Variants in TIAM2 observed in about 807,000 individuals in gnomAD.
TIAM2 encodes rho guanine nucleotide exchange factor TIAM2.
In TIAM2, 80 loss-of-function variants were observed where a neutral mutation model predicts 152.9. The ratio of observed to expected loss-of-function variants is 0.52; its 90% CI spans 0.44 to 0.63. The LOEUF (loss-of-function observed/expected upper bound fraction) is 0.63. TIAM2 is among the 30% of genes least tolerant of loss of function. The pLI is 0.00. For missense variants in TIAM2, 1,965 were observed against 2,120.1 expected (o/e 0.93, Z 1.44); for synonymous variants, 804 against 838.0 (o/e 0.96, Z 0.70).
intron 2 of TIAM2, among the ~76,000 whole-genome samples, chr6:155,093,636 G>C (rs192436649): frequency 7.9e-4 from 121 of 152,318 alleles, no homozygotes; most frequent in Admixed American, 2.2e-3. Context: ...GGAAAGATGA[G>C]ATGGTGCCTC....
intron 1 of TIAM2, among the ~76,000 whole-genome samples, chr6:155,052,568 C>T (rs1028837212): frequency 7.2e-5 from 11 of 152,036 alleles, no homozygotes; most frequent in African/African-American, 2.2e-4. Context: ...GATCTCAAGA[C>T]CAGCCTGGCC....
chr6:155,092,630 C>T (rs559455090), intron 2 of TIAM2, among the ~76,000 whole-genome samples: 5 of 151,690 alleles, frequency 3.3e-5, no homozygotes, highest in Non-Finnish European at 5.9e-5. Context: ...CTGAGGCAGG[C>T]GGATCACCTG....
At chr6:155,252,636 G>A (rs1783736080) in intron 23 of TIAM2, among the ~76,000 whole-genome samples, 1 of 152,154 alleles carries the variant, frequency 6.6e-6, no homozygotes, top group Admixed American at 6.5e-5. Context: ...AAAAAGCAAA[G>A]CCTAGCTGTG....
rs1186084791 is a variant in TIAM2, at chr6:155,166,611, G to A, written c.2361+1202G>A. Among the ~76,000 whole-genome samples, 4 of 152,132 alleles carry A rather than the reference G, an allele frequency of 2.6e-5. No homozygotes were observed. In the East Asian group the frequency reaches 7.7e-4, roughly 29 times the overall value. ...GTGCTGATTACAGGCGTGAGCCACC[G>A]TGCCTGGCCTCTTCTAACATTTTTA... On this transcript the variant is annotated intron_variant, in intron 9 of 26. Transcript: ENST00000682666.
chr6:155,171,877 C>T (rs1245067482), intron 9 of TIAM2, among the ~76,000 whole-genome samples: 1 of 152,126 alleles, frequency 6.6e-6, no homozygotes, highest in African/African-American at 2.4e-5. Context: ...GTGTTTTCTC[C>T]TCATCTCCCT....
At chr6:154,999,838 C>G (rs1433153548) in intron 1 of TIAM2, among the ~76,000 whole-genome samples, 1 of 151,940 alleles carries the variant, frequency 6.6e-6, no homozygotes, top group Non-Finnish European at 1.5e-5. Flanking sequence ...GCCACCATGC[C>G]CAGCTAATTT....
Position 155,177,605 on chromosome 6 carries a change from A to G in TIAM2, c.2523+628A>G, listed in dbSNP as rs146546705. Among the ~76,000 whole-genome samples the G allele has an allele frequency of 7.2e-5, 11 of 152,336 alleles. 1 individual carries two copies. The East Asian group carries it at 2.1e-3, about 29-fold the overall frequency. ...GTTTTAAGTTTCCAGAGAAAATACA[A>G]TCAACTATGTTGAAATGGTGAAAAA... On this transcript the variant is annotated intron_variant, in intron 10 of 26. Transcript: ENST00000682666.
intron 15 of TIAM2, among the ~76,000 whole-genome samples, chr6:155,227,324 A>G (rs566347398): frequency 6.6e-6 from 1 of 152,358 alleles, no homozygotes; most frequent in Admixed American, 6.5e-5. Flanking sequence ...GACTTAGCCC[A>G]TGGCGAATAC....
intron 1 of TIAM2, among the ~76,000 whole-genome samples, chr6:155,055,935 C>T (rs1777436546): frequency 6.7e-6 from 1 of 149,878 alleles, no homozygotes; most frequent in South Asian, 2.1e-4. Context: ...GCACCCCAGC[C>T]TGGGTGACAG....
At chr6:155,234,620 G>A (rs1782651123) in intron 15 of TIAM2, among the ~76,000 whole-genome samples, 1 of 152,086 alleles carries the variant, frequency 6.6e-6, no homozygotes, top group South Asian at 2.1e-4. Flanking sequence ...GTTCAGGCTG[G>A]TCTTGAACTC....
chr6:155,143,183 A>C (rs11968180), intron 5 of TIAM2, among the ~76,000 whole-genome samples: 3,470 of 152,306 alleles, frequency 0.023, 131 homozygotes, highest in African/African-American at 0.078. Flanking sequence ...AGAAGTGGTC[A>C]AAAAAGTTTA....
chr6:155,239,125 G>T (rs1319039122), intron 15 of TIAM2, among the ~76,000 whole-genome samples: 1 of 152,194 alleles, frequency 6.6e-6, no homozygotes, highest in Non-Finnish European at 1.5e-5. Flanking sequence ...GAAAGAAAAT[G>T]AATTATGTGA....
chr6:155,051,327 T>G (rs1241860198), intron 1 of TIAM2, among the ~76,000 whole-genome samples: 2 of 152,206 alleles, frequency 1.3e-5, no homozygotes, highest in Non-Finnish European at 2.9e-5. Context: ...GCCCGCTTAC[T>G]CCCATCCATG....
chr6:155,182,362 C>T, intron 13 of TIAM2, 44 bp downstream of exon 13: 1 of 1,482,462 alleles, frequency 6.7e-7, no homozygotes, highest in Non-Finnish European at 9.4e-7. Context: ...TAATTTGAAA[C>T]TGTGGGATAC....
intron 2 of TIAM2, among the ~76,000 whole-genome samples, chr6:155,112,125 C>CTTTTTTTT (rs34148436): frequency 7.6e-6 from 1 of 131,406 alleles, no homozygotes; most frequent in Non-Finnish European, 1.6e-5. Context: ...TTGGTTTCCT[C>CTTTTTTTT]TTTTTTTTTT....
intron 1 of TIAM2, among the ~76,000 whole-genome samples, chr6:155,014,174 TTAAC>T (rs1215897006): frequency 6.6e-6 from 1 of 152,232 alleles, no homozygotes; most frequent in Middle Eastern, 3.2e-3. Context: ...CCATTTTTAA[TTAAC>T]TGTTTGTCCT....
chr6:155,090,421 A>T (rs1003451353), intron 2 of TIAM2, 42 bp downstream of exon 2: 1 of 152,192 alleles, frequency 6.6e-6, no homozygotes, highest in Non-Finnish European at 1.5e-5. Context: ...CTTTAAAAGT[A>T]TATGTCAGTC....
At chr6:155,035,299 T>G (rs1776902557) in intron 1 of TIAM2, among the ~76,000 whole-genome samples, 1 of 151,756 alleles carries the variant, frequency 6.6e-6, no homozygotes, top group Non-Finnish European at 1.5e-5. Context: ...CTTGGCTCAC[T>G]GCATTTCCAC....
In TIAM2 at chr6:155,198,918, G is replaced by C. The variant is rs548259435; in HGVS notation, c.3065-12286G>C. ...TGGAGAACCACATGCCCCAGCTCTG[G>C]AGTCCTACTGCATATCCTGGGAGTC... On this transcript the variant is annotated intron_variant, in intron 14 of 26. Transcript: ENST00000682666. 2.0e-5 allele frequency among the ~76,000 whole-genome samples: 3 copies of C among 152,068 alleles called. No individual in the cohort carries two copies. The South Asian group carries it at 6.2e-4, about 32-fold the overall frequency.
Sources: allele counts gnomAD v4.1 joint callset (sites outside exome capture counted in the v4.1 genomes callset), GRCh38; gene constraint gnomAD v4.1.1; transcripts MANE v1.5; gene names NCBI Gene and HGNC (gene_info 2026-07-23, HGNC 2026-07-21).